The following KAT6A variants were observed in gnomAD, a reference collection of about 807,000 sequenced individuals.
The protein encoded by KAT6A is histone acetyltransferase KAT6A.
In KAT6A, 9 loss-of-function variants were observed where a neutral mutation model predicts 198.4. That is an observed-to-expected ratio of 0.05 (90% CI 0.03 to 0.08). KAT6A has a LOEUF of 0.08. KAT6A is among the 10% of genes least tolerant of loss of function. The pLI, the probability that KAT6A is intolerant of heterozygous loss-of-function variation, is 1.00. For missense variants in KAT6A, 2,077 were observed against 2,509.9 expected, an observed-to-expected ratio of 0.83 and a Z score of 3.69; for synonymous variants, 890 against 883.0, an observed-to-expected ratio of 1.01 and a Z score of -0.14.
intron 8 of KAT6A, among the ~76,000 whole-genome samples, chr8:41,962,140 T>G (rs941911412): frequency 5.3e-5 from 8 of 152,094 alleles, no homozygotes; most frequent in Non-Finnish European, 1.0e-4. Flanking sequence ...GTTTCTCCAA[T>G]CTCTAAAAGT....
Position 41,932,018 on chromosome 8 carries a change from C to G in KAT6A, c.*187G>C. The G allele has an allele frequency of 1.9e-6, 1 of 532,184 alleles. No homozygotes were observed. The highest frequency in any genetic ancestry group is 2.0e-5 in the African/African-American group (1 of 51,018). The allele number at this position is 532,184 out of a possible 1,614,324, so 33.0% of individuals were successfully genotyped here. A position where few individuals can be genotyped will look rare whatever the true frequency, so the allele number is the denominator to read the frequency against. The stretch of plus-strand genomic sequence containing the variant: ...CAAGATTGTGAAGAAAACCAAAACC[C>G]AGAACAAAATGAACCCAAAAAAAGA... On this transcript the variant is annotated 3_prime_UTR_variant, in exon 17 of 17. Transcript: ENST00000265713.
At chr8:42,044,478 T>C (rs188710276) in intron 2 of KAT6A, among the ~76,000 whole-genome samples, 2 of 152,106 alleles carry the variant, frequency 1.3e-5, no homozygotes, top group African/African-American at 2.4e-5. Context: ...AAAGTTCCAA[T>C]GTCTTCACAA....
chr8:41,986,564 C>A (rs978142968), intron 3 of KAT6A, among the ~76,000 whole-genome samples: 8 of 152,006 alleles, frequency 5.3e-5, no homozygotes, highest in Non-Finnish European at 8.8e-5. Context: ...AAAAAATAAA[C>A]CCACAGAAAG....
intron 2 of KAT6A, among the ~76,000 whole-genome samples, chr8:42,018,720 C>T (rs1163868603): frequency 3.9e-5 from 6 of 151,980 alleles, no homozygotes; most frequent in South Asian, 2.1e-4. Context: ...GTCAGAAGTT[C>T]GAGACCCGCC....
chr8:42,042,224 C>T (rs1036431548), intron 2 of KAT6A, among the ~76,000 whole-genome samples: 1 of 152,132 alleles, frequency 6.6e-6, no homozygotes, highest in Non-Finnish European at 1.5e-5. Context: ...TCTGGGAGGC[C>T]GAGGCAGGCG....
chr8:41,931,773 G>A lies in KAT6A; in HGVS notation c.*432C>T. 4.8e-6 allele frequency: 1 copy of A among 207,090 alleles called. No individual in the cohort carries two copies. Among genetic ancestry groups the A allele is most frequent in the African/African-American group, 2.3e-5 (1 of 44,006 alleles). 12.8% of individuals were successfully genotyped at this position (207,090 alleles called of 1,614,324 possible). A position where few individuals can be genotyped will look rare whatever the true frequency, so the allele number is the denominator to read the frequency against. ...GGTTGGGTTTGGAGGAAAGGGTCTG[G>A]TTAACCCTTGAGATGTATATAACAT... On this transcript the variant is annotated 3_prime_UTR_variant, in exon 17 of 17. Transcript: ENST00000265713.
At chr8:41,972,423 A>C (rs1564031615) in intron 8 of KAT6A, among the ~76,000 whole-genome samples, 1 of 152,230 alleles carries the variant, frequency 6.6e-6, no homozygotes, top group Non-Finnish European at 1.5e-5. Context: ...GGTAGAAAGC[A>C]ATGTTAGAGA....
At chr8:41,947,675 TC>T (rs1564015680) in intron 11 of KAT6A, 75 bp downstream of exon 11, 1 of 1,204,996 alleles carries the variant, frequency 8.3e-7, no homozygotes, top group African/African-American at 1.6e-5. Context: ...TCTTGTTGTG[TC>T]CCCGAGTGAG....
At position 41,942,219 on chromosome 8, in the gene KAT6A, A is replaced by T. The variant is rs977720038; in HGVS notation, c.2436+574T>A. The T allele has an allele frequency of 1.2e-4, 26 of 217,288 alleles. No homozygotes were observed. In the East Asian group the frequency reaches 1.6e-3, roughly 13 times the overall value. 13.5% of individuals were successfully genotyped at this position (217,288 alleles called of 1,614,324 possible). On this transcript the variant is annotated intron_variant, in intron 14 of 16. Coordinates refer to ENST00000265713, the MANE Select transcript of KAT6A (RefSeq NM_006766.5). The stretch of plus-strand genomic sequence containing the variant: ...CGGCTAAAGAGATCTGTGTGTCCAC[A>T]GGATGTTTTGGTGCCCCATCAGAAA...
At chr8:41,963,295 T>C (rs1219892604) in intron 8 of KAT6A, among the ~76,000 whole-genome samples, 2 of 152,216 alleles carry the variant, frequency 1.3e-5, no homozygotes, top group Non-Finnish European at 2.9e-5. Context: ...CTCCTGTATA[T>C]ACATGTACAC....
intron 2 of KAT6A, among the ~76,000 whole-genome samples, chr8:41,992,641 A>G (rs749045207): frequency 1.3e-5 from 2 of 152,208 alleles, no homozygotes; most frequent in Non-Finnish European, 2.9e-5. Flanking sequence ...AGGTTCACAT[A>G]TAAAGCTCAT....
At chr8:41,940,109 T>C (rs1822035574) in intron 15 of KAT6A, among the ~76,000 whole-genome samples, 1 of 152,246 alleles carries the variant, frequency 6.6e-6, no homozygotes, top group African/African-American at 2.4e-5. Context: ...GGAAGCTGGC[T>C]GAGTGGCTCT....
intron 2 of KAT6A, among the ~76,000 whole-genome samples, chr8:42,040,244 G>A (rs1480926071): frequency 6.6e-6 from 1 of 151,756 alleles, no homozygotes; most frequent in Non-Finnish European, 1.5e-5. Flanking sequence ...AACTCTTTAC[G>A]TTCCCTTAGC....
At chr8:42,042,001 G>A (rs1392010963) in intron 2 of KAT6A, among the ~76,000 whole-genome samples, 2 of 151,956 alleles carry the variant, frequency 1.3e-5, no homozygotes, top group Non-Finnish European at 2.9e-5. Context: ...CAGTATCAAC[G>A]CAACAGAGTA....
Position 42,048,772 on chromosome 8 carries a change from T to A in KAT6A, c.206A>T (p.Asn69Ile). Residue 69 changes from asparagine (N) to isoleucine (I), a missense_variant, in exon 2 of 17, where the codon AAT (asparagine) becomes ATT (isoleucine). This residue lies in a region of KAT6A where 185 missense variants were observed against 185.7 expected (regional missense o/e 1.00). Coordinates refer to ENST00000265713, the MANE Select transcript of KAT6A (RefSeq NM_006766.5). ...AGGATTATCAGGATCTTTATAGGAATTGAGTCCTTTATTTGAGACTTTTAA... is the reference window on the plus strand; with the variant it reads ...AGGATTATCAGGATCTTTATAGGAAATGAGTCCTTTATTTGAGACTTTTAA... ...TILKVSNKGLNSYKDPDNPGR... is the reference protein window; with the variant it reads ...TILKVSNKGLISYKDPDNPGR... The A allele has an allele frequency of 6.2e-7, 1 of 1,614,230 alleles. No individual in the cohort carries two copies. The highest frequency in any genetic ancestry group is 8.5e-7 in the Non-Finnish European group (1 of 1,180,030).
At chr8:41,949,962 T>C (rs2150868007) in intron 9 of KAT6A, among the ~76,000 whole-genome samples, 1 of 152,338 alleles carries the variant, frequency 6.6e-6, no homozygotes, top group Non-Finnish European at 1.5e-5. Context: ...ACACTGAAAG[T>C]TTCCAAGGAA....
intron 2 of KAT6A, among the ~76,000 whole-genome samples, chr8:42,008,016 CAATT>C (rs910967128): frequency 9.0e-5 from 13 of 144,872 alleles, no homozygotes; most frequent in Admixed American, 2.7e-4. Flanking sequence ...TAATCCCAAT[CAATT>C]AATTCAAATT....
intron 8 of KAT6A, among the ~76,000 whole-genome samples, chr8:41,962,666 G>A (rs568854142): frequency 1.3e-5 from 2 of 151,540 alleles, no homozygotes; most frequent in Non-Finnish European, 2.9e-5. Context: ...TCATTCTTCT[G>A]CTCAAAACCC....
chr8:41,996,942 T>C (rs1290004462), intron 2 of KAT6A, among the ~76,000 whole-genome samples: 1 of 152,182 alleles, frequency 6.6e-6, no homozygotes, highest in East Asian at 1.9e-4. Context: ...TTATATATTA[T>C]ATGATTCCAT....
Sources: gnomAD v4.1 joint callset for allele counts (sites outside exome capture counted in the v4.1 genomes callset) on GRCh38, gnomAD v4.1.1 for gene constraint, gnomAD v4.1.1 regional missense constraint, MANE v1.5 for transcripts, NCBI Gene and HGNC (gene_info 2026-07-23, HGNC 2026-07-21) for gene names.